The following NRG1 variants were observed in gnomAD, a reference collection of about 807,000 sequenced individuals.
The protein encoded by NRG1 is pro-neuregulin-1, membrane-bound isoform.
In NRG1, 18 loss-of-function variants were observed where a neutral mutation model predicts 63.8. That is an observed-to-expected ratio of 0.28 (90% CI 0.19 to 0.42). NRG1 has a LOEUF of 0.42. Ranked by LOEUF, NRG1 falls within the 10% of genes least tolerant of loss-of-function variation. NRG1 has a pLI of 1.00. For synonymous variants in NRG1, 302 were observed against 301.3 expected, an observed-to-expected ratio of 1.00 and a Z score of -0.02; for missense variants, 762 against 814.7, an observed-to-expected ratio of 0.94 and a Z score of 0.79.
Position 32,742,678 on chromosome 8 carries a change from C to T in NRG1, c.636C>T (p.Cys212=), listed in dbSNP as rs1259968746. The T allele has an allele frequency of 1.9e-6, 3 of 1,613,420 alleles. No individual in the cohort carries two copies. The South Asian group carries it at 3.3e-5, about 18-fold the overall frequency. Residue 212 remains cysteine (C), a synonymous_variant, in exon 7 of 12, where the codon TGC becomes TGT. Transcript: ENST00000356819. The surrounding 1 kb of genome is among the most constrained non-coding windows in gnomAD (Gnocchi z 4.2). ...GTTTTTTTGTTTCTTCTCTCAGGTG[C>T]CCAAATGAGTTTACTGGTGATCGCT...
intron 1 of NRG1, among the ~76,000 whole-genome samples, chr8:31,927,992 AT>A (rs1304078525): frequency 6.9e-5 from 3 of 43,552 alleles, no homozygotes; most frequent in African/African-American, 3.1e-4. Flanking sequence ...CATTAGGTAT[AT>A]TTAAAAAAAA....
intron 1 of NRG1, among the ~76,000 whole-genome samples, chr8:32,087,794 G>T (rs545306203): frequency 6.6e-6 from 1 of 152,220 alleles, no homozygotes; most frequent in Admixed American, 6.5e-5. Context: ...AATGCAAATG[G>T]CCTAACACAC....
At chr8:32,448,659 G>C (rs957337086) in intron 1 of NRG1, among the ~76,000 whole-genome samples, 1 of 149,150 alleles carries the variant, frequency 6.7e-6, no homozygotes, top group Non-Finnish European at 1.5e-5. Flanking sequence ...CACATCCTAC[G>C]TCAATTAGCT....
At chr8:31,698,322 C>A (rs1416045566) in intron 1 of NRG1, among the ~76,000 whole-genome samples, 1 of 152,112 alleles carries the variant, frequency 6.6e-6, no homozygotes, top group East Asian at 1.9e-4. Context: ...ATGACAAGGA[C>A]CAATTGTGAT....
chr8:31,798,332 T>C (rs1821435589), intron 1 of NRG1, among the ~76,000 whole-genome samples: 2 of 152,214 alleles, frequency 1.3e-5, no homozygotes, highest in South Asian at 4.1e-4. Flanking sequence ...ACTATAAGTA[T>C]GAATAATTAT....
chr8:32,544,723 A>G (rs73234132), upstream of NRG1, among the ~76,000 whole-genome samples: 1 of 119,356 alleles, frequency 8.4e-6, no homozygotes, highest in Non-Finnish European at 1.6e-5. Flanking sequence ...GGATTTCCTC[A>G]TGTTGCCCAG....
chr8:32,079,523 C>A (rs1208005042), intron 1 of NRG1, among the ~76,000 whole-genome samples: 1 of 152,190 alleles, frequency 6.6e-6, no homozygotes, highest in East Asian at 1.9e-4. Flanking sequence ...ATTCAAGTTT[C>A]TCTTCCTCAA....
In NRG1 at chr8:32,267,105, A is replaced by AGGAG. The variant is rs59936672; in HGVS notation, c.38-328720_38-328719insGGGA. ...GAGAGAAAGAGAGAGAAAGGAAGGA[A>AGGAG]GGAAGGAGGGAAGGAAGGAAGGAAG... On this transcript the variant is annotated intron_variant, in intron 1 of 10. Coordinates refer to the NRG1 transcript ENST00000519301. Among the ~76,000 whole-genome samples, 963 of 148,938 alleles carry AGGAG rather than the reference A, an allele frequency of 6.5e-3. 5 individuals carry two copies. Among genetic ancestry groups the AGGAG allele is most frequent in the African/African-American group, 0.022 (890 of 39,732 alleles).
intron 1 of NRG1, among the ~76,000 whole-genome samples, chr8:32,363,570 A>C (rs997219856): frequency 3.9e-5 from 6 of 152,198 alleles, no homozygotes; most frequent in Non-Finnish European, 8.8e-5. Context: ...CCAACTAGCC[A>C]AACAGGCCTT....
intron 1 of NRG1, among the ~76,000 whole-genome samples, chr8:32,096,629 G>A (rs1481204331): frequency 2.6e-5 from 4 of 152,180 alleles, no homozygotes; most frequent in Non-Finnish European, 5.9e-5. Context: ...CCTCATGGAG[G>A]AAGGTATAGA....
intron 1 of NRG1, among the ~76,000 whole-genome samples, chr8:31,829,754 GCTT>G (rs1170990540): frequency 1.3e-5 from 2 of 152,178 alleles, no homozygotes; most frequent in Non-Finnish European, 2.9e-5. Flanking sequence ...GTAGGAACCT[GCTT>G]CTTCTCTTGA....
chr8:31,843,349 G>T (rs1243688281), intron 1 of NRG1, among the ~76,000 whole-genome samples: 1 of 152,168 alleles, frequency 6.6e-6, no homozygotes, highest in Non-Finnish European at 1.5e-5. Context: ...TTCTCTTCCA[G>T]ATGTGCACAG....
intron 1 of NRG1, among the ~76,000 whole-genome samples, chr8:32,229,451 A>T (rs1846673661): frequency 6.6e-6 from 1 of 152,156 alleles, no homozygotes; most frequent in African/African-American, 2.4e-5. Context: ...ATACTCACTC[A>T]TTCGTGTGCC....
At chr8:32,393,190 A>G (rs1811998562) in intron 1 of NRG1, among the ~76,000 whole-genome samples, 1 of 152,198 alleles carries the variant, frequency 6.6e-6, no homozygotes, top group Non-Finnish European at 1.5e-5. Context: ...AGAAAGACAG[A>G]AAACATGGTT....
chr8:31,825,785 C>T (rs996322842), intron 1 of NRG1, among the ~76,000 whole-genome samples: 2 of 152,192 alleles, frequency 1.3e-5, no homozygotes, highest in African/African-American at 4.8e-5. Flanking sequence ...CCCTCTGTGA[C>T]ACGGTCATAG....
At chr8:31,978,383 A>G (rs566869219) in intron 1 of NRG1, among the ~76,000 whole-genome samples, 2 of 152,282 alleles carry the variant, frequency 1.3e-5, no homozygotes, top group African/African-American at 4.8e-5. Flanking sequence ...CATAAAAATC[A>G]TCACACTGGT....
At chr8:32,558,590 G>T (rs900035254) in intron 1 of NRG1, among the ~76,000 whole-genome samples, 1 of 152,174 alleles carries the variant, frequency 6.6e-6, no homozygotes, top group African/African-American at 2.4e-5. Context: ...CAAAGTGGCT[G>T]TGCCTCTGAT....
rs531129373 is a variant in NRG1 at position 32,236,927 on chromosome 8, A to G, written c.38-358901A>G. The stretch of plus-strand genomic sequence containing the variant: ...TTCATGTACAGCTGACTCCAAGATG[A>G]GTGTGATGCTATCACGGTGCAGGAT... On this transcript the variant is annotated intron_variant, in intron 1 of 10. Coordinates refer to the NRG1 transcript ENST00000519301. Among the ~76,000 whole-genome samples the G allele has an allele frequency of 1.3e-4, 20 of 152,198 alleles. No individual in the cohort carries two copies. In the East Asian group the frequency reaches 3.9e-3, roughly 29 times the overall value.
Position 32,423,249 on chromosome 8 carries a change from A to G in NRG1, c.38-172579A>G, listed in dbSNP as rs1176092538. 2.0e-5 allele frequency among the ~76,000 whole-genome samples: 3 copies of G among 152,210 alleles called. No homozygotes were observed. The East Asian group carries it at 5.8e-4, about 29-fold the overall frequency. ...TTGTCTCCAGGACAGGTAATTGAGG[A>G]GGCCTCACACTTCATCAGAGGCCAT... On this transcript the variant is annotated intron_variant, in intron 1 of 10. Coordinates refer to the NRG1 transcript ENST00000519301.
Sources: allele counts gnomAD v4.1 joint callset (sites outside exome capture counted in the v4.1 genomes callset), GRCh38; gene constraint gnomAD v4.1.1; non-coding constraint Gnocchi (gnomAD v3.1); transcripts MANE v1.5; gene names NCBI Gene and HGNC (gene_info 2026-07-23, HGNC 2026-07-21).